The following ING3 variants were observed in gnomAD, a reference collection of about 807,000 sequenced individuals.
The protein encoded by ING3 is inhibitor of growth family member 3, also known as inhibitor of growth protein 3.
A neutral mutation model predicts 64.8 loss-of-function variants in ING3; 6 were observed. That is an observed-to-expected ratio of 0.09 (90% CI 0.05 to 0.18). The LOEUF is 0.18. ING3 is among the 10% of genes least tolerant of loss of function. The pLI is 1.00. For synonymous variants in ING3, 170 were observed against 173.7 expected (o/e 0.98, Z 0.17); for missense variants, 310 against 489.7 (o/e 0.63, Z 3.46).
At position 120,969,221 on chromosome 7, in the gene ING3, C is replaced by T. The variant is rs538921370; in HGVS notation, c.908+17C>T. ...AAAGAGCAAGTAAGTTTTATTGTTA[C>T]AGTAGCCCTATACCTTTACTGAACA... On this transcript the variant is annotated intron_variant, in intron 9 of 11. Coordinates refer to ENST00000315870, the MANE Select transcript of ING3 (RefSeq NM_019071.3). The T allele has an allele frequency of 1.3e-5, 21 of 1,603,534 alleles. No homozygotes were observed. The East Asian group carries it at 4.5e-4, about 34-fold the overall frequency.
chr7:120,951,920 G>A (rs1162499907), intron 2 of ING3, among the ~76,000 whole-genome samples: 9 of 152,168 alleles, frequency 5.9e-5, no homozygotes, highest in African/African-American at 2.2e-4. Context: ...CTTTCATAGA[G>A]CAACGACTAT....
In ING3 at chr7:120,953,309, A is replaced by G. The variant is rs1220186021; in HGVS notation, c.106A>G (p.Met36Val). 11 of 1,579,966 alleles carry G rather than the reference A, an allele frequency of 7.0e-6. No individual in the cohort carries two copies. The highest frequency in any genetic ancestry group is 7.8e-6 in the Non-Finnish European group (9 of 1,160,598). Residue 36 changes from methionine to valine, a missense_variant, in exon 3 of 12, where the codon ATG becomes GTG. Met to Val is a conservative substitution (Grantham distance 21). Transcript: ENST00000315870. ...REMDLQVQNAMDQLEQRVSEF... is the reference protein window; with the variant it reads ...REMDLQVQNAVDQLEQRVSEF... ...TTTTTTTTATTATGTCATAGATGCA[A>G]TGGATCAACTAGAACAAAGAGTCAG...
chr7:120,964,977 C>A, intron 5 of ING3, 139 bp downstream of exon 5: 1 of 619,420 alleles, frequency 1.6e-6, no homozygotes, highest in Non-Finnish European at 2.8e-6. Context: ...TGGACCCTAA[C>A]AGTTGGAAAT....
At chr7:120,953,447 C>A (rs761294921) in intron 3 of ING3, 43 bp downstream of exon 3, 21 of 1,178,592 alleles carry the variant, frequency 1.8e-5, no homozygotes, top group Non-Finnish European at 2.5e-5. Context: ...AATATTGGGA[C>A]CCTCTGAAAA....
At chr7:120,966,858 A>G (rs1029048001) in intron 6 of ING3, among the ~76,000 whole-genome samples, 161 bp downstream of exon 6, 3 of 149,698 alleles carry the variant, frequency 2.0e-5, no homozygotes, top group Non-Finnish European at 4.4e-5. Context: ...CCTTGGGGGG[A>G]GCATATGTGA....
At chr7:120,955,704 A>C (rs1490152606) in intron 4 of ING3, 80 bp downstream of exon 4, 1 of 930,474 alleles carries the variant, frequency 1.1e-6, no homozygotes, top group East Asian at 2.5e-5. Context: ...GCTTAAATGT[A>C]GTAGGAAGAA....
At chr7:120,962,958 C>T (rs2721350) in intron 4 of ING3, among the ~76,000 whole-genome samples, 30,332 of 152,014 alleles carry the variant, frequency 0.2, 3,331 homozygotes, top group African/African-American at 0.22. Context: ...CTCTTCCATT[C>T]TTCATATATC....
intron 8 of ING3, 142 bp downstream of exon 8, chr7:120,968,233 AT>A: frequency 1.3e-6 from 1 of 783,700 alleles, no homozygotes; most frequent in Non-Finnish European, 2.0e-6. Flanking sequence ...GATATGTGAT[AT>A]TTTATTTAAT....
chr7:120,969,158 A>C lies in ING3; in HGVS notation c.862A>C (p.Asn288His). 1 of 1,613,572 alleles carries C rather than the reference A, an allele frequency of 6.2e-7. No individual in the cohort carries two copies. Among genetic ancestry groups the C allele is most frequent in the Non-Finnish European group, 8.5e-7 (1 of 1,179,774 alleles). Residue 288 changes from asparagine to histidine, a missense_variant, in exon 9 of 12, where the codon AAT becomes CAT. By Grantham distance (68) the Asn-to-His change is moderately conservative. Coordinates refer to ENST00000315870, the MANE Select transcript of ING3 (RefSeq NM_019071.3). The stretch of plus-strand genomic sequence containing the variant: ...GGCACTTATGACAACATTAACACAG[A>C]ATGCCAGTTCATCAGCAGCCGACTC... ...SSALMTTLTQ[N>H]ASSSAADSRS...
At position 120,950,848 on chromosome 7, in the gene ING3, C is replaced by T. The variant is rs1171461408; in HGVS notation, c.-49C>T. 1.3e-6 allele frequency: 2 copies of T among 1,591,468 alleles called. No homozygotes were observed. The highest frequency in any genetic ancestry group is 1.7e-6 in the Non-Finnish European group (2 of 1,166,414). ...ACAAAACTCCGGCGACAGCGAGTGA[C>T]ACAAATAAACCCCTGGACCCCCTTG... On this transcript the variant is annotated 5_prime_UTR_variant, in exon 1 of 12. Transcript: ENST00000315870.
chr7:120,965,659 G>GA (rs1795988160), intron 5 of ING3, among the ~76,000 whole-genome samples: 2 of 152,048 alleles, frequency 1.3e-5, no homozygotes, highest in Non-Finnish European at 2.9e-5. Context: ...ACACACAGAT[G>GA]AAAGATTTCT....
intron 6 of ING3, 84 bp downstream of exon 6, chr7:120,966,781 C>T: frequency 1.0e-6 from 1 of 960,626 alleles, no homozygotes; most frequent in South Asian, 1.3e-5. Context: ...TTTAACTCTA[C>T]ACAACCAATT....
chr7:120,974,560 A>G (rs1382954889), intron 11 of ING3, among the ~76,000 whole-genome samples, 168 bp from the exon 12 acceptor site: 2 of 152,222 alleles, frequency 1.3e-5, no homozygotes, highest in African/African-American at 2.4e-5. Flanking sequence ...CCTGAAGCTT[A>G]TCATTTAGTC....
intron 2 of ING3, 97 bp downstream of exon 2, chr7:120,951,332 C>T (rs571215475): frequency 1.7e-6 from 2 of 1,146,196 alleles, no homozygotes; most frequent in African/African-American, 1.5e-5. Flanking sequence ...TCACTGTCCT[C>T]TGGCTCACTC....
At chr7:120,950,992 GCAGCGAGATGGC>G in intron 1 of ING3, 68 bp downstream of exon 1, 1 of 1,506,220 alleles carries the variant, frequency 6.6e-7, no homozygotes, top group Non-Finnish European at 9.2e-7. Flanking sequence ...GAGTGGACGG[GCAGCGAGATGGC>G]GGGAGGGAGG....
In ING3 at chr7:120,950,934, C is replaced by T; in HGVS notation, c.28+10C>T. The T allele has an allele frequency of 6.3e-7, 1 of 1,589,152 alleles. No homozygotes were observed. The highest frequency in any genetic ancestry group is 8.6e-7 in the Non-Finnish European group (1 of 1,165,726). On this transcript the variant is annotated intron_variant, in intron 1 of 11. Transcript: ENST00000315870. ...GAAGACTATCTGGAAAGTGAGTGCG[C>T]GGCGCTGGCGGCGGCCGCCAGTGGG...
intron 4 of ING3, among the ~76,000 whole-genome samples, chr7:120,962,208 G>C (rs993940513): frequency 6.6e-6 from 1 of 152,062 alleles, no homozygotes; most frequent in African/African-American, 2.4e-5. Flanking sequence ...CTTCTAATTT[G>C]ATTTAGTACA....
rs1240230611 is a variant in ING3 at position 120,951,138 on chromosome 7, C to T, written c.29-26C>T. 6.2e-6 allele frequency: 10 copies of T among 1,612,782 alleles called. No individual in the cohort carries two copies. The Admixed American group carries it at 1.2e-4, about 19-fold the overall frequency. Reference sequence around the variant, plus strand: ...CGCGTATTTCGCCGTTGGCCCCGCCCCTCTGACGGACTCTCCCTTTGACAG... The same window carrying T: ...CGCGTATTTCGCCGTTGGCCCCGCCTCTCTGACGGACTCTCCCTTTGACAG... On this transcript the variant is annotated intron_variant, in intron 1 of 11. Coordinates refer to ENST00000315870, the MANE Select transcript of ING3 (RefSeq NM_019071.3).
intron 1 of ING3, 52 bp downstream of exon 1, chr7:120,950,976 G>C (rs993786921): frequency 6.9e-6 from 11 of 1,601,894 alleles, no homozygotes; most frequent in Admixed American, 6.7e-5. Flanking sequence ...GGGCGGGCAA[G>C]AGCGCGAGTG....
Sources: gnomAD v4.1 joint callset for allele counts (sites outside exome capture counted in the v4.1 genomes callset) on GRCh38, gnomAD v4.1.1 for gene constraint, MANE v1.5 for transcripts, NCBI Gene and HGNC (gene_info 2026-07-23, HGNC 2026-07-21) for gene names.